The following NWD2 variants were observed in gnomAD, a reference collection of about 807,000 sequenced individuals.
The protein encoded by NWD2 is NACHT and WD repeat domain containing 2, also known as NACHT and WD repeat domain-containing protein 2.
A neutral mutation model predicts 132.7 loss-of-function variants in NWD2; 37 were observed. The observed-to-expected ratio is 0.28, with a 90% CI of 0.21 to 0.37. The LOEUF is 0.37. Among genes scored for constraint, NWD2 ranks in the 10% least tolerant of loss-of-function variants. The pLI is 1.00. For synonymous variants in NWD2, 705 were observed against 803.0 expected, an observed-to-expected ratio of 0.88 and a Z score of 2.06; for missense variants, 1,592 against 2,122.4, an observed-to-expected ratio of 0.75 and a Z score of 4.91.
At chr4:37,288,091 G>T (rs139900566) in intron 1 of NWD2, among the ~76,000 whole-genome samples, 3 of 152,084 alleles carry the variant, frequency 2.0e-5, no homozygotes, top group Admixed American at 2.0e-4. Flanking sequence ...GTTCTCACTC[G>T]TAAGTGAGAG....
intron 3 of NWD2, among the ~76,000 whole-genome samples, chr4:37,383,749 C>T (rs1349739483): frequency 6.6e-6 from 1 of 152,184 alleles, no homozygotes; most frequent in Admixed American, 6.5e-5. Context: ...GATGAGAGTG[C>T]CCCATGGCTC....
rs1301262400 is a variant in NWD2 at position 37,446,044 on chromosome 4, A to G, written c.4056A>G (p.Ala1352=). 1 of 1,551,850 alleles carries G rather than the reference A, an allele frequency of 6.4e-7. No individual in the cohort carries two copies. The highest frequency in any genetic ancestry group is 1.2e-5 in the South Asian group (1 of 84,062). The change falls in exon 7 of 7, where the codon GCA becomes GCG. Residue 1352 remains alanine, a synonymous_variant. Transcript: ENST00000309447. This position sits in a 1 kb window ranked among gnomAD's most constrained non-coding sequence, Gnocchi z 6.7. ...ACTTCAGCAGTGGCTTCATCGAAGCAGTATTCAAGCATGAAGGAATAGTTG... is the reference window on the plus strand; with the variant it reads ...ACTTCAGCAGTGGCTTCATCGAAGCGGTATTCAAGCATGAAGGAATAGTTG... ...KWNFSSGFIE[A]VFKHEGIVEH... is the part of the protein sequence containing the mutation.
chr4:37,285,288 G>A (rs1377232725), intron 1 of NWD2, among the ~76,000 whole-genome samples: 1 of 152,004 alleles, frequency 6.6e-6, no homozygotes, highest in Non-Finnish European at 1.5e-5. Flanking sequence ...TCTAACATGT[G>A]TTCCCTGTAA....
At chr4:37,344,457 G>A (rs1719590570) in intron 2 of NWD2, among the ~76,000 whole-genome samples, 1 of 152,134 alleles carries the variant, frequency 6.6e-6, no homozygotes, top group African/African-American at 2.4e-5. Context: ...AGAAGACATG[G>A]AGCTATGAAG....
chr4:37,336,281 AT>A (rs1187506961), intron 2 of NWD2, among the ~76,000 whole-genome samples: 1 of 152,214 alleles, frequency 6.6e-6, no homozygotes, highest in Non-Finnish European at 1.5e-5. Context: ...CTAAAACATC[AT>A]TTTAATACAT....
At chr4:37,395,154 T>C (rs1720762327) in intron 3 of NWD2, among the ~76,000 whole-genome samples, 1 of 151,990 alleles carries the variant, frequency 6.6e-6, no homozygotes, top group African/African-American at 2.4e-5. Context: ...TAGCCCTCAG[T>C]TGACAGACAG....
chr4:37,391,958 C>T (rs1391222363), intron 3 of NWD2, among the ~76,000 whole-genome samples: 2 of 152,186 alleles, frequency 1.3e-5, no homozygotes, highest in African/African-American at 4.8e-5. Context: ...CATCCCAGCA[C>T]TTTGGGAGGC....
Position 37,445,538 on chromosome 4 carries a change from G to T in NWD2, c.3550G>T (p.Asp1184Tyr), listed in dbSNP as rs540481840. Residue 1184 changes from aspartate to tyrosine, a missense_variant, in exon 7 of 7, where the codon GAT (aspartate) becomes TAT (tyrosine). Coordinates refer to ENST00000309447, the MANE Select transcript of NWD2 (RefSeq NM_001144990.2). This position sits in a 1 kb window ranked among gnomAD's most constrained non-coding sequence, Gnocchi z 4.7. Reference protein sequence around the residue: ...ISSPQLTDDFDCRREDSEVVS... With the variant: ...ISSPQLTDDFYCRREDSEVVS... Reference sequence around the variant, plus strand: ...CAGCCCCCAGCTGACTGATGACTTTGATTGCCGAAGAGAAGACAGTGAGGT... The same window carrying T: ...CAGCCCCCAGCTGACTGATGACTTTTATTGCCGAAGAGAAGACAGTGAGGT... 1 of 1,552,074 alleles carries T rather than the reference G, an allele frequency of 6.4e-7. No individual in the cohort carries two copies. Among genetic ancestry groups the T allele is most frequent in the East Asian group, 2.4e-5 (1 of 40,918 alleles).
rs1457195479 is a variant in NWD2 at position 37,444,489 on chromosome 4, T to C, written c.2501T>C (p.Met834Thr). The change falls in exon 7 of 7, where the codon ATG becomes ACG. Residue 834 changes from methionine to threonine, a missense_variant. Physicochemically the swap from Met to Thr is moderately conservative, Grantham distance 81 (BLOSUM62 -1). Around this residue, in one of 7 missense-constraint regions of NWD2, gnomAD observed 1,071 missense variants for 1,398.0 expected, o/e 0.77. Transcript: ENST00000309447. The surrounding 1 kb of genome is among the most constrained non-coding windows in gnomAD (Gnocchi z 4.8). ...PDIFFVNHRKMSELLYHLTRC... is the reference protein window; with the variant it reads ...PDIFFVNHRKTSELLYHLTRC... The stretch of plus-strand genomic sequence containing the variant: ...ATCTTTTTCGTTAATCATCGGAAAA[T>C]GTCTGAGCTGTTGTACCACTTGACG... The C allele has an allele frequency of 1.3e-6, 2 of 1,551,670 alleles. No homozygotes were observed. The highest frequency in any genetic ancestry group is 1.4e-5 in the African/African-American group (1 of 73,026).
At chr4:37,295,682 G>A (rs185225724) in intron 1 of NWD2, among the ~76,000 whole-genome samples, 57 of 152,204 alleles carry the variant, frequency 3.7e-4, no homozygotes, top group Non-Finnish European at 6.2e-4. Context: ...ACCCTGACTT[G>A]GCCTTCATCA....
chr4:37,277,658 C>G (rs1223375341), intron 1 of NWD2, among the ~76,000 whole-genome samples: 1 of 151,486 alleles, frequency 6.6e-6, no homozygotes, highest in Non-Finnish European at 1.5e-5. Flanking sequence ...AAATGGTTTC[C>G]TTTTTTTTAC....
chr4:37,413,860 C>T (rs58812686), intron 3 of NWD2, among the ~76,000 whole-genome samples: 2,048 of 152,204 alleles, frequency 0.013, 42 homozygotes, highest in African/African-American at 0.047. Context: ...TCTCAGCAAA[C>T]TATCACAAGA....
intron 3 of NWD2, among the ~76,000 whole-genome samples, chr4:37,369,182 A>C (rs889305893): frequency 6.6e-6 from 1 of 152,198 alleles, no homozygotes; most frequent in Non-Finnish European, 1.5e-5. Context: ...TTATGATCCA[A>C]AATTTATGAA....
At chr4:37,422,547 G>A (rs1432382775) in intron 3 of NWD2, among the ~76,000 whole-genome samples, 1 of 152,032 alleles carries the variant, frequency 6.6e-6, no homozygotes, top group Non-Finnish European at 1.5e-5. Context: ...CTGTCCAGCT[G>A]TGCCTCTCAG....
intron 3 of NWD2, among the ~76,000 whole-genome samples, chr4:37,407,128 A>G (rs772856684): frequency 2.0e-5 from 3 of 152,198 alleles, no homozygotes; most frequent in Non-Finnish European, 2.9e-5. Context: ...TGCAGGACTT[A>G]AAACCTAGAT....
chr4:37,382,994 G>T (rs1017864541), intron 3 of NWD2, among the ~76,000 whole-genome samples: 1 of 151,882 alleles, frequency 6.6e-6, no homozygotes, highest in Non-Finnish European at 1.5e-5. Flanking sequence ...GCACCCGGCC[G>T]CCTGAAAAAA....
At chr4:37,308,198 A>G (rs963274974) in intron 1 of NWD2, among the ~76,000 whole-genome samples, 6 of 152,226 alleles carry the variant, frequency 3.9e-5, no homozygotes, top group East Asian at 1.9e-4. Flanking sequence ...CCCTATGTTA[A>G]TATCTGCACA....
intron 1 of NWD2, among the ~76,000 whole-genome samples, chr4:37,302,493 A>C (rs1166847593): frequency 6.6e-6 from 1 of 151,990 alleles, no homozygotes; most frequent in Non-Finnish European, 1.5e-5. Flanking sequence ...GGATTGCTGG[A>C]TTATATGTTA....
At chr4:37,296,737 C>A (rs927453087) in intron 1 of NWD2, among the ~76,000 whole-genome samples, 3 of 152,082 alleles carry the variant, frequency 2.0e-5, no homozygotes, top group African/African-American at 7.2e-5. Flanking sequence ...CTATTAGGTA[C>A]AATGTATACT....
Sources: gnomAD v4.1 joint callset for allele counts (sites outside exome capture counted in the v4.1 genomes callset) on GRCh38, gnomAD v4.1.1 for gene constraint, gnomAD v4.1.1 regional missense constraint, Gnocchi (gnomAD v3.1) non-coding constraint, MANE v1.5 for transcripts, NCBI Gene and HGNC (gene_info 2026-07-23, HGNC 2026-07-21) for gene names.